Variants in FCHO1 observed in about 807,000 individuals in gnomAD.
FCHO1 encodes the protein F-BAR domain only protein 1.
In FCHO1, 45 loss-of-function variants were observed where a neutral mutation model predicts 114.4. The ratio of observed to expected loss-of-function variants is 0.39; its 90% confidence interval spans 0.31 to 0.50. The LOEUF (loss-of-function observed/expected upper bound fraction) is 0.50, where lower values mean the gene tolerates loss of function less well. Among genes scored for constraint, FCHO1 ranks in the 20% least tolerant of loss-of-function variants. The pLI is 0.77. For missense variants in FCHO1, 1,042 were observed against 1,209.6 expected (o/e 0.86, Z 2.06); for synonymous variants, 480 against 488.9 (o/e 0.98, Z 0.24).
chr19:17,776,097 C>G lies in FCHO1; in HGVS notation c.1118C>G (p.Pro373Arg). ...PAPARAPACS[P>R]EAAAAQLRAT... ...CCGGCCCGGGCTCCAGCCTGCAGCC[C>G]CGAGGCAGCAGCGGCACAGCTCAGG... The change falls in exon 16 of 29, where the codon CCC becomes CGC. Residue 373 changes from proline (P) to arginine (R), a missense_variant. Physicochemically the swap from Pro to Arg is moderately radical, Grantham distance 103 (BLOSUM62 -2). Around this residue, in one of 3 missense-constraint regions of FCHO1, gnomAD observed 450 missense variants for 564.1 expected, o/e 0.80. Coordinates refer to ENST00000596536, the MANE Select transcript of FCHO1 (RefSeq NM_015122.3). This position sits in a 1 kb window ranked among gnomAD's most constrained non-coding sequence, Gnocchi z 4.4. 2 of 1,612,560 alleles carry G rather than the reference C, an allele frequency of 1.2e-6. No homozygotes were observed. Among genetic ancestry groups the G allele is most frequent in the Admixed American group, 1.7e-5 (1 of 59,988 alleles).
intron 20 of FCHO1, among the ~76,000 whole-genome samples, chr19:17,780,837 A>G (rs1599757053): frequency 6.6e-6 from 1 of 152,180 alleles, no homozygotes; most frequent in African/African-American, 2.4e-5. Flanking sequence ...TGTTAAAGGC[A>G]TGAGACTCAG....
At chr19:17,778,352 G>A (rs1338080598) in intron 19 of FCHO1, 124 bp downstream of exon 19, 13 of 870,216 alleles carry the variant, frequency 1.5e-5, no homozygotes, top group South Asian at 1.2e-4. Context: ...GTCCGTGTAG[G>A]GGTGGGCGGG....
At chr19:17,765,599 G>A (rs1387683231) in intron 6 of FCHO1, among the ~76,000 whole-genome samples, 1 of 151,972 alleles carries the variant, frequency 6.6e-6, no homozygotes, top group African/African-American at 2.4e-5. Flanking sequence ...CTTGAACCCA[G>A]GTGATGGAGG....
In FCHO1 at chr19:17,788,338, T is replaced by G. The variant is rs1323598937; in HGVS notation, c.*32T>G. 7.3e-7 allele frequency: 1 copy of G among 1,377,422 alleles called. No individual in the cohort carries two copies. The highest frequency in any genetic ancestry group is 1.6e-5 in the African/African-American group (1 of 62,822). The allele number at this position is 1,377,422 out of a possible 1,614,324, so 85.3% of individuals were successfully genotyped here. A position where few individuals can be genotyped will look rare whatever the true frequency, so the allele number is the denominator to read the frequency against. On this transcript the variant is annotated 3_prime_UTR_variant, in exon 29 of 29. Coordinates refer to ENST00000596536, the MANE Select transcript of FCHO1 (RefSeq NM_015122.3). Reference sequence around the variant, plus strand: ...AAATGCTGCTGCCCCAGCTCTACACTGCGCCCTGGTGCTGGCTGACCACCC... The same window carrying G: ...AAATGCTGCTGCCCCAGCTCTACACGGCGCCCTGGTGCTGGCTGACCACCC...
At position 17,764,508 on chromosome 19, in the gene FCHO1, T is replaced by A. The variant is rs187125166; in HGVS notation, c.194+59T>A. The A allele has an allele frequency of 1.7e-4, 244 of 1,403,926 alleles. No homozygotes were observed. The African/African-American group carries it at 3.0e-3, about 18-fold the overall frequency. The allele number at this position is 1,403,926 out of a possible 1,614,324, so 87.0% of individuals were successfully genotyped here. ...TTGGGAGCCTCCTCCTTGGTGGACA[T>A]CTCTTCACACTCGGTGCATGTAGAA... On this transcript the variant is annotated intron_variant, in intron 6 of 28. Transcript: ENST00000596536.
intron 20 of FCHO1, among the ~76,000 whole-genome samples, chr19:17,780,960 G>A (rs971518960): frequency 1.2e-4 from 19 of 152,344 alleles, no homozygotes; most frequent in Non-Finnish European, 1.8e-4. Context: ...GCATGCCTGC[G>A]TCTTAAGCCT....
chr19:17,767,622 T>C (rs2146816240), intron 7 of FCHO1, among the ~76,000 whole-genome samples: 1 of 150,080 alleles, frequency 6.7e-6, no homozygotes, highest in South Asian at 2.1e-4. Flanking sequence ...TTTTACATTA[T>C]TAAAGGGTTA....
At chr19:17,786,298 A>G (rs1365364085) in intron 26 of FCHO1, among the ~76,000 whole-genome samples, 1 of 152,158 alleles carries the variant, frequency 6.6e-6, no homozygotes, top group African/African-American at 2.4e-5. Flanking sequence ...GCACCAATGC[A>G]CACCAGCCGG....
chr19:17,755,485 A>G, intron 4 of FCHO1: 1 of 283,598 alleles, frequency 3.5e-6, no homozygotes, highest in Non-Finnish European at 6.7e-6. Context: ...GTCAGTGCTC[A>G]AACCCAGGGC....
intron 1 of FCHO1, chr19:17,753,891 T>C (rs2112861): frequency 0.86 from 130,958 of 152,252 alleles, 57,614 homozygotes; most frequent in Non-Finnish European, 0.95. Context: ...GGTCTCAAAC[T>C]CCTGACCTCA....
chr19:17,765,633 A>G (rs2088645815), intron 6 of FCHO1, among the ~76,000 whole-genome samples: 1 of 151,886 alleles, frequency 6.6e-6, no homozygotes, highest in Non-Finnish European at 1.5e-5. Context: ...TGATTGTACC[A>G]CTGCACTTCA....
In FCHO1 at chr19:17,783,040, A is replaced by G; in HGVS notation, c.1961A>G (p.Glu654Gly). The G allele has an allele frequency of 6.2e-7, 1 of 1,614,074 alleles. No homozygotes were observed. Among genetic ancestry groups the G allele is most frequent in the Non-Finnish European group, 8.5e-7 (1 of 1,180,006 alleles). Residue 654 changes from glutamate (E) to glycine (G), a missense_variant, in exon 24 of 29, where the codon GAG becomes GGG. Physicochemically the swap from Glu to Gly is moderately conservative, Grantham distance 98. This residue lies in a region of FCHO1 where 455 missense variants were observed against 455.4 expected (regional missense o/e 1.00). Coordinates refer to ENST00000596536, the MANE Select transcript of FCHO1 (RefSeq NM_015122.3). ...AGCTGCCTGGCTCGAGTAACTGGGG[A>G]GCTGACCATGACCTTCCCTGCTGGC... ...SPSCLARVTG[E>G]LTMTFPAGIV...
chr19:17,778,092 G>A (rs1400154074), intron 18 of FCHO1, 45 bp from the exon 19 acceptor site: 1 of 1,472,450 alleles, frequency 6.8e-7, no homozygotes, highest in Admixed American at 1.7e-5. Context: ...GTGGGATGAG[G>A]CTTGGGAAAA....
chr19:17,781,717 T>C lies in FCHO1; in HGVS notation c.1834T>C (p.Ser612Pro). Residue 612 changes from serine (S) to proline (P), a missense_variant, in exon 23 of 29, where the codon TCC (serine) becomes CCC (proline). Physicochemically the swap from Ser to Pro is moderately conservative, Grantham distance 74. Coordinates refer to ENST00000596536, the MANE Select transcript of FCHO1 (RefSeq NM_015122.3). ...SFLSQTGHGV[S>P]RGPSPVVLGS... The stretch of plus-strand genomic sequence containing the variant: ...TCCCTCTCCACCACCCCCAGGAGTC[T>C]CCCGGGGTCCGAGCCCTGTGGTCCT... 1 of 1,601,748 alleles carries C rather than the reference T, an allele frequency of 6.2e-7. No homozygotes were observed.
At chr19:17,780,025 G>A (rs544426595) in intron 20 of FCHO1, among the ~76,000 whole-genome samples, 25 of 152,070 alleles carry the variant, frequency 1.6e-4, no homozygotes, top group Admixed American at 1.4e-3. Context: ...CAGAGGGACT[G>A]TGGGCTGTGA....
chr19:17,762,696 C>G (rs748773341), intron 4 of FCHO1, 66 bp from the exon 5 acceptor site: 29 of 1,199,518 alleles, frequency 2.4e-5, no homozygotes, highest in Non-Finnish European at 3.6e-5. Context: ...TTGGCCACGC[C>G]CCCGTTGCTA....
In FCHO1 at chr19:17,770,417, C is replaced by T; in HGVS notation, c.337-8C>T. The T allele has an allele frequency of 6.2e-7, 1 of 1,604,018 alleles. No homozygotes were observed. Among genetic ancestry groups the T allele is most frequent in the East Asian group, 2.2e-5 (1 of 44,608 alleles). ...AGTCTACCCATGAAATCCCCTCCTACCCCGCAGTGCAAGGAGGAAGTGGTG... is the reference window on the plus strand; with the variant it reads ...AGTCTACCCATGAAATCCCCTCCTATCCCGCAGTGCAAGGAGGAAGTGGTG... On this transcript the variant is annotated splice_region_variant and splice_polypyrimidine_tract_variant and intron_variant, in intron 7 of 28. Coordinates refer to ENST00000596536, the MANE Select transcript of FCHO1 (RefSeq NM_015122.3).
At chr19:17,760,876 A>T (rs2085862525) in intron 4 of FCHO1, among the ~76,000 whole-genome samples, 3 of 151,802 alleles carry the variant, frequency 2.0e-5, no homozygotes, top group Non-Finnish European at 4.4e-5. Context: ...CTCGAACTCA[A>T]GACCTCAAGT....
At chr19:17,756,902 C>T (rs1170466552) in intron 4 of FCHO1, among the ~76,000 whole-genome samples, 1 of 152,148 alleles carries the variant, frequency 6.6e-6, no homozygotes, top group East Asian at 1.9e-4. Flanking sequence ...AAAGACCACA[C>T]TCTTGGCTGG....
Sources: allele counts gnomAD v4.1 joint callset (sites outside exome capture counted in the v4.1 genomes callset), GRCh38; gene constraint gnomAD v4.1.1; regional missense constraint gnomAD v4.1.1; non-coding constraint Gnocchi (gnomAD v3.1); transcripts MANE v1.5; gene names NCBI Gene and HGNC (gene_info 2026-07-23, HGNC 2026-07-21).